Variants in GNG12 observed in about 807,000 individuals in gnomAD.
GNG12 encodes G protein subunit gamma 12.
For missense variants in GNG12, 69 were observed against 83.8 expected (o/e 0.82, Z 0.69); for synonymous variants, 28 against 29.7 (o/e 0.94, Z 0.19).
chr1:67,828,989 A>G (rs1365656839), intron 1 of GNG12, among the ~76,000 whole-genome samples: 2 of 152,252 alleles, frequency 1.3e-5, no homozygotes, highest in Non-Finnish European at 2.9e-5. Context: ...TTTTTTAGTA[A>G]CTATTACGCA....
intron 1 of GNG12, among the ~76,000 whole-genome samples, chr1:67,817,279 T>C (rs1646958268): frequency 6.6e-6 from 1 of 152,216 alleles, no homozygotes. Flanking sequence ...ACACTGATGG[T>C]CAGGTACTCA....
At chr1:67,797,023 G>A (rs576104963) in intron 1 of GNG12, among the ~76,000 whole-genome samples, 36 of 152,122 alleles carry the variant, frequency 2.4e-4, no homozygotes, top group Non-Finnish European at 4.1e-4. Context: ...ATTACCATGC[G>A]GAGGGCACCA....
intron 2 of GNG12, among the ~76,000 whole-genome samples, chr1:67,736,958 A>T (rs1453329877): frequency 6.6e-6 from 1 of 152,198 alleles, no homozygotes; most frequent in Non-Finnish European, 1.5e-5. Flanking sequence ...GTGTAAACTG[A>T]GGGTTGGAGG....
intron 1 of GNG12, among the ~76,000 whole-genome samples, chr1:67,778,993 T>C (rs1370509214): frequency 1.3e-5 from 2 of 152,134 alleles, no homozygotes; most frequent in Non-Finnish European, 2.9e-5. Context: ...GCACCGGGTC[T>C]GGAGGTTTGT....
intron 2 of GNG12, among the ~76,000 whole-genome samples, chr1:67,734,303 T>C (rs1191342916): frequency 6.6e-6 from 1 of 151,986 alleles, no homozygotes; most frequent in Non-Finnish European, 1.5e-5. Flanking sequence ...GCATGCTTCT[T>C]CTTTGATAGG....
chr1:67,820,164 G>A (rs1181819384), intron 1 of GNG12, among the ~76,000 whole-genome samples: 2 of 152,036 alleles, frequency 1.3e-5, no homozygotes. Flanking sequence ...CGAGGTGGGC[G>A]GATCATCTGA....
Position 67,733,202 on chromosome 1 carries a change from A to G in GNG12, c.-26-25490T>C, listed in dbSNP as rs369372879. 5.9e-5 allele frequency among the ~76,000 whole-genome samples: 9 copies of G among 152,302 alleles called. No individual in the cohort carries two copies. In the East Asian group the frequency reaches 1.7e-3, roughly 29 times the overall value. ...GCAACAACATGTATCACAAGCCACCAGTATTTAATCTAGCCCTATTTTTGG... is the reference window on the plus strand; with the variant it reads ...GCAACAACATGTATCACAAGCCACCGGTATTTAATCTAGCCCTATTTTTGG... On this transcript the variant is annotated intron_variant, in intron 2 of 3. Transcript: ENST00000370982.
intron 2 of GNG12, among the ~76,000 whole-genome samples, chr1:67,762,921 G>A (rs1646613926): frequency 6.6e-6 from 1 of 151,954 alleles, no homozygotes; most frequent in African/African-American, 2.4e-5. Context: ...TTTATATTTT[G>A]CTCCGTTCTA....
At chr1:67,731,365 A>G (rs1293229109) in intron 2 of GNG12, among the ~76,000 whole-genome samples, 1 of 152,256 alleles carries the variant, frequency 6.6e-6, no homozygotes, top group Non-Finnish European at 1.5e-5. Context: ...TGTAACTTTA[A>G]GCACACATAA....
chr1:67,708,108 C>A (rs947930394), intron 2 of GNG12, among the ~76,000 whole-genome samples: 4 of 152,212 alleles, frequency 2.6e-5, no homozygotes, highest in African/African-American at 9.6e-5. Context: ...TTACTGCTAC[C>A]TACTTTCACA....
intron 2 of GNG12, among the ~76,000 whole-genome samples, chr1:67,724,360 A>C (rs1428470058): frequency 1.3e-5 from 2 of 152,222 alleles, no homozygotes; most frequent in East Asian, 3.8e-4. Context: ...TATTGAACAA[A>C]AAAGCCAGTT....
At chr1:67,726,807 T>C (rs1321494555) in intron 2 of GNG12, among the ~76,000 whole-genome samples, 1 of 152,244 alleles carries the variant, frequency 6.6e-6, no homozygotes, top group Non-Finnish European at 1.5e-5. Context: ...ACATTACTAG[T>C]GCATGTGTTC....
rs192080409 is a variant in GNG12, at chr1:67,706,912, G to A, written c.93+682C>T. Among the ~76,000 whole-genome samples the A allele has an allele frequency of 9.6e-3, 1,453 of 152,104 alleles. 28 individuals are homozygous for A. The highest frequency in any genetic ancestry group is 0.033 in the African/African-American group (1,375 of 41,504). On this transcript the variant is annotated intron_variant, in intron 3 of 3. Transcript: ENST00000370982. ...CAACCTCAGGTGATCTGCCCGCCTC[G>A]GCCTCCCAAAGTGCTGGGATTACAG...
chr1:67,827,882 T>G (rs1647020543), intron 1 of GNG12, among the ~76,000 whole-genome samples: 1 of 152,164 alleles, frequency 6.6e-6, no homozygotes, highest in African/African-American at 2.4e-5. Flanking sequence ...AACACTTAAG[T>G]GACATCAGAT....
At chr1:67,811,622 T>C (rs549772014) in intron 1 of GNG12, among the ~76,000 whole-genome samples, 1 of 152,302 alleles carries the variant, frequency 6.6e-6, no homozygotes, top group South Asian at 2.1e-4. Flanking sequence ...CATCTCTTTG[T>C]TACATCTTTG....
At chr1:67,824,652 G>T (rs1190101376) in intron 1 of GNG12, among the ~76,000 whole-genome samples, 2 of 151,940 alleles carry the variant, frequency 1.3e-5, no homozygotes, top group African/African-American at 2.4e-5. Context: ...CAAAAATATT[G>T]AAGTTGTATA....
At chr1:67,828,691 C>T (rs893401568) in intron 1 of GNG12, among the ~76,000 whole-genome samples, 5 of 152,296 alleles carry the variant, frequency 3.3e-5, no homozygotes, top group Middle Eastern at 3.4e-3. Flanking sequence ...GCTGTAAAAA[C>T]GCAGCTCATC....
intron 2 of GNG12, among the ~76,000 whole-genome samples, chr1:67,747,429 T>C (rs978103275): frequency 3.9e-5 from 6 of 152,162 alleles, no homozygotes; most frequent in Non-Finnish European, 7.3e-5. Context: ...CCATAAAAAA[T>C]CTATTGAGTG....
chr1:67,707,334 T>G (rs1646255387), intron 3 of GNG12, among the ~76,000 whole-genome samples: 1 of 152,192 alleles, frequency 6.6e-6, no homozygotes, highest in African/African-American at 2.4e-5. Context: ...GACTTGACCA[T>G]GTTCATTCAG....
Sources: gnomAD v4.1 joint callset for allele counts (sites outside exome capture counted in the v4.1 genomes callset) on GRCh38, gnomAD v4.1.1 for gene constraint, MANE v1.5 for transcripts, NCBI Gene and HGNC (gene_info 2026-07-23, HGNC 2026-07-21) for gene names.